Variants in PCNT observed in about 807,000 individuals in gnomAD.
PCNT encodes pericentrin, also known as kendrin.
In PCNT, 319 loss-of-function variants were observed where a neutral mutation model predicts 380.4. The observed-to-expected ratio is 0.84, with a 90% CI of 0.77 to 0.92. PCNT has a LOEUF of 0.92. PCNT is among the 40% of genes least tolerant of loss of function. PCNT has a pLI of 0.00. For synonymous variants in PCNT, 1,845 were observed against 1,735.2 expected (o/e 1.06, Z -1.57); for missense variants, 4,400 against 4,255.3 (o/e 1.03, Z -0.95).
intron 15 of PCNT, 112 bp from the exon 16 acceptor site, chr21:46,381,582 G>A (rs2085542962): frequency 1.0e-6 from 1 of 977,332 alleles, no homozygotes; most frequent in Non-Finnish European, 1.6e-6. Flanking sequence ...CCGGCTCTTG[G>A]TGCAGAGTGG....
chr21:46,424,601 A>G (rs1319901504), intron 32 of PCNT, among the ~76,000 whole-genome samples: 3 of 152,226 alleles, frequency 2.0e-5, no homozygotes, highest in African/African-American at 4.8e-5. Flanking sequence ...TACAGAATCT[A>G]GAAAAGCATA....
At chr21:46,350,582 G>A (rs1431538395) in intron 8 of PCNT, among the ~76,000 whole-genome samples, 1 of 152,244 alleles carries the variant, frequency 6.6e-6, no homozygotes, top group Non-Finnish European at 1.5e-5. Context: ...ATCAGAGATA[G>A]GGTTAATCGT....
chr21:46,360,624 T>C (rs1364194346), intron 13 of PCNT, among the ~76,000 whole-genome samples: 1 of 150,392 alleles, frequency 6.6e-6, no homozygotes, highest in Non-Finnish European at 1.5e-5. Context: ...GTTCACGCCA[T>C]TCTCCTGCCT....
At position 46,445,286 on chromosome 21, in the gene PCNT, TCTA is replaced by T; in HGVS notation, c.9973_9975del (p.Thr3325del). 1 of 1,606,054 alleles carries T rather than the reference TCTA, an allele frequency of 6.2e-7. No individual in the cohort carries two copies. ...GCCTCATTTTTATTTATATGCAGATTCTACTTCAAAGAAATCCTGCCACCCGAT... is the reference window on the plus strand; with the variant it reads ...GCCTCATTTTTATTTATATGCAGATTCTTCAAAGAAATCCTGCCACCCGAT... On this transcript the variant is annotated inframe_deletion, in exon 47 of 47. Transcript: ENST00000359568.
intron 27 of PCNT, among the ~76,000 whole-genome samples, chr21:46,409,052 C>T (rs1361351095): frequency 6.6e-6 from 1 of 151,792 alleles, no homozygotes; most frequent in Admixed American, 6.6e-5. Flanking sequence ...TTGGATTGTT[C>T]GGTTTCTTAT....
At position 46,354,050 on chromosome 21, in the gene PCNT, C is replaced by T. The variant is rs375581809; in HGVS notation, c.1743C>T (p.Leu581=). 3.7e-5 allele frequency: 60 copies of T among 1,613,878 alleles called. No homozygotes were observed. The highest frequency in any genetic ancestry group is 1.6e-4 in the Middle Eastern group (1 of 6,080). ...EKGRKDHVDE[L]EPERHKESLP... is the part of the protein sequence containing the mutation. ...GAAGAAAAGATCACGTTGATGAACTCGAGCCTGAGCGACATAAGGTAATTG... is the reference window on the plus strand; with the variant it reads ...GAAGAAAAGATCACGTTGATGAACTTGAGCCTGAGCGACATAAGGTAATTG... Residue 581 remains leucine, a synonymous_variant, in exon 11 of 47, where the codon CTC becomes CTT. Coordinates refer to ENST00000359568, the MANE Select transcript of PCNT (RefSeq NM_006031.6).
chr21:46,383,543 A>C (rs574471779), intron 16 of PCNT, among the ~76,000 whole-genome samples: 2 of 135,858 alleles, frequency 1.5e-5, no homozygotes, highest in African/African-American at 2.8e-5. Context: ...GCGCATTCAC[A>C]GTGTTGTATA....
At chr21:46,419,238 TTTTTAA>T (rs1278415320) in intron 31 of PCNT, among the ~76,000 whole-genome samples, 2 of 152,194 alleles carry the variant, frequency 1.3e-5, no homozygotes, top group African/African-American at 4.8e-5. Context: ...GGCCAGCAGC[TTTTTAA>T]TTTTGTTTTT....
At chr21:46,414,948 C>T (rs1163431386) in intron 29 of PCNT, among the ~76,000 whole-genome samples, 2 of 152,236 alleles carry the variant, frequency 1.3e-5, no homozygotes, top group East Asian at 3.8e-4. Flanking sequence ...ACTACTCCTC[C>T]AGGCTCTGAA....
chr21:46,364,518 A>G (rs1265235571), intron 14 of PCNT, among the ~76,000 whole-genome samples: 20 of 152,210 alleles, frequency 1.3e-4, no homozygotes, highest in Admixed American at 1.0e-3. Flanking sequence ...CCTCTTTTAT[A>G]GGTGTCATAA....
At position 46,427,731 on chromosome 21, in the gene PCNT, GT is replaced by G; in HGVS notation, c.7431del (p.Ser2477ArgfsTer54). ...MQGVELQPRLSGSDLGGHSSL... is the reference protein window; with the variant it reads ...MQGVELQPRLXGSDLGGHSSL... ...GGGGTTGAGCTGCAGCCCCGACTCA[GT>G]GGCTCAGATCTGGGGGGTCACAGCT... On this transcript the variant is annotated frameshift_variant, in exon 34 of 47. Coordinates refer to ENST00000359568, the MANE Select transcript of PCNT (RefSeq NM_006031.6). LOFTEE classifies it high-confidence loss of function. The G allele has an allele frequency of 1.2e-6, 2 of 1,613,830 alleles. No homozygotes were observed. Among genetic ancestry groups the G allele is most frequent in the South Asian group, 2.2e-5 (2 of 91,088 alleles).
intron 3 of PCNT, among the ~76,000 whole-genome samples, chr21:46,344,475 C>T (rs2084003495): frequency 6.6e-6 from 1 of 152,268 alleles, no homozygotes; most frequent in Non-Finnish European, 1.5e-5. Flanking sequence ...CACCATGCCG[C>T]CCTTCCCTGT....
chr21:46,391,327 G>C lies in PCNT; in HGVS notation c.4167G>C (p.Leu1389=), dbSNP rs866229136. Residue 1389 remains leucine (L), a synonymous_variant, in exon 21 of 47, where the codon CTG becomes CTC. Coordinates refer to ENST00000359568, the MANE Select transcript of PCNT (RefSeq NM_006031.6). ...CGCTGAGGGAGGAGTGCACCCGTCT[G>C]TGGAGTCGGGGGGAGGCCACAGCCA... The part of the protein sequence containing the change: ...QAALREECTR[L]WSRGEATATD... 2.6e-6 allele frequency: 4 copies of C among 1,559,482 alleles called. No homozygotes were observed. In the Middle Eastern group the frequency reaches 7.5e-4, roughly 291 times the overall value.
intron 26 of PCNT, 110 bp downstream of exon 26, chr21:46,401,831 T>G: frequency 1.1e-5 from 11 of 1,004,982 alleles, no homozygotes; most frequent in Non-Finnish European, 1.7e-5. Context: ...TTGTGACCAC[T>G]GTGTATTCTT....
chr21:46,395,658 A>T (rs2086184587), intron 21 of PCNT, among the ~76,000 whole-genome samples: 2 of 152,040 alleles, frequency 1.3e-5, no homozygotes, highest in Admixed American at 6.5e-5. Flanking sequence ...AATAGTAATA[A>T]AATAGAGACT....
chr21:46,430,304 G>A (rs2087695728), intron 36 of PCNT, 72 bp downstream of exon 36: 2 of 1,482,462 alleles, frequency 1.3e-6, no homozygotes, highest in Non-Finnish European at 1.8e-6. Context: ...TGGTGATGAA[G>A]GGAGACAGAA....
At chr21:46,413,279 AC>A (rs2086869665) in intron 29 of PCNT, among the ~76,000 whole-genome samples, 1 of 83,986 alleles carries the variant, frequency 1.2e-5, no homozygotes, top group Non-Finnish European at 2.2e-5. Flanking sequence ...GAGGCTGGAC[AC>A]GCGGCAGCAA....
At chr21:46,338,354 A>T (rs138256480) in intron 3 of PCNT, among the ~76,000 whole-genome samples, 1 of 152,008 alleles carries the variant, frequency 6.6e-6, no homozygotes. Flanking sequence ...TTTTTGTTCT[A>T]TGGTTTTGCC....
chr21:46,366,696 C>T lies in PCNT; in HGVS notation c.2722C>T (p.His908Tyr). 2 of 1,613,820 alleles carry T rather than the reference C, an allele frequency of 1.2e-6. No homozygotes were observed. Among genetic ancestry groups the T allele is most frequent in the East Asian group, 2.2e-5 (1 of 44,866 alleles). Residue 908 changes from histidine to tyrosine, a missense_variant, in exon 15 of 47, where the codon CAC (histidine) becomes TAC (tyrosine). His to Tyr is a moderately conservative substitution (Grantham distance 83). Coordinates refer to ENST00000359568, the MANE Select transcript of PCNT (RefSeq NM_006031.6). ...ARELQLLQERHQQQLLSVTAE... is the reference protein window; with the variant it reads ...ARELQLLQERYQQQLLSVTAE... ...TGAGCTGCAGCTCCTCCAGGAGAGA[C>T]ACCAGCAGCAGCTCCTGTCAGTGAC...
Sources: allele counts gnomAD v4.1 joint callset (sites outside exome capture counted in the v4.1 genomes callset), GRCh38; gene constraint gnomAD v4.1.1; transcripts MANE v1.5; gene names NCBI Gene and HGNC (gene_info 2026-07-23, HGNC 2026-07-21).